The following OR10A6 variants were observed in gnomAD, a reference collection of about 807,000 sequenced individuals.
OR10A6 encodes olfactory receptor 10A6.
OR10A6 carries 2 observed loss-of-function variants against 1.5 expected under a neutral mutation model. That is an observed-to-expected ratio of 1.31 (90% CI 0.54 to 4.13). The LOEUF (loss-of-function observed/expected upper bound fraction) is 4.13. Among genes scored for constraint, OR10A6 ranks in the 30% most tolerant of loss-of-function variants. OR10A6 has a pLI of 0.07. For missense variants in OR10A6, 492 were observed against 368.6 expected (o/e 1.33, Z -2.74); for synonymous variants, 169 against 137.3 (o/e 1.23, Z -1.61).
rs1199204353 is a variant in OR10A6 at position 7,929,571 on chromosome 11, G to C, written c.-909C>G. ...CATTTTCTAGGCTCTGCACCCTTAG[G>C]AATACACATGAATCCAGAGCTCAAC... On this transcript the variant is annotated 5_prime_UTR_variant, in exon 4 of 4. Coordinates refer to ENST00000641238, the MANE Select transcript of OR10A6 (RefSeq NM_001004461.2). 1.3e-5 allele frequency: 2 copies of C among 151,126 alleles called. No individual in the cohort carries two copies. The highest frequency in any genetic ancestry group is 4.2e-4 in the South Asian group (2 of 4,780). 9.4% of individuals were successfully genotyped at this position (151,126 alleles called of 1,614,324 possible).
In OR10A6 at chr11:7,930,861, G is replaced by T. The variant is rs1375727775; in HGVS notation, c.-1854C>A. The T allele has an allele frequency of 2.0e-5, 3 of 152,116 alleles. No individual in the cohort carries two copies. The highest frequency in any genetic ancestry group is 7.2e-5 in the African/African-American group (3 of 41,420). The allele number at this position is 152,116 out of a possible 1,614,324, so 9.4% of individuals were successfully genotyped here. A position where few individuals can be genotyped will look rare whatever the true frequency, so the allele number is the denominator to read the frequency against. On this transcript the variant is annotated splice_region_variant and 5_prime_UTR_variant, in exon 3 of 4. Transcript: ENST00000641238. Reference sequence around the variant, plus strand: ...TAGATCACTGACAAGTAATACTTACGCAGATCACTTCCTCCCCAAGGCTTC... The same window carrying T: ...TAGATCACTGACAAGTAATACTTACTCAGATCACTTCCTCCCCAAGGCTTC...
In OR10A6 at chr11:7,927,978, G is replaced by A. The variant is rs1285218650; in HGVS notation, c.685C>T (p.Pro229Ser). Residue 229 changes from proline to serine, a missense_variant, in exon 4 of 4, where the codon CCA becomes TCA. Pro to Ser is a moderately conservative substitution (Grantham distance 74). Coordinates refer to ENST00000641238, the MANE Select transcript of OR10A6 (RefSeq NM_001004461.2). The stretch of plus-strand genomic sequence containing the variant: ...GCCTTTTGTCTCCCAGTGGTTGATG[G>A]CATCTTCAGGATGGCAAACAGAACT... ...IRVLFAILKM[P>S]STTGRQKAFS... 4.3e-6 allele frequency: 7 copies of A among 1,613,894 alleles called. No homozygotes were observed. The highest frequency in any genetic ancestry group is 1.7e-5 in the Admixed American group (1 of 59,914).
rs766119848 is a variant in OR10A6 at position 7,928,245 on chromosome 11, C to A, written c.418G>T (p.Val140Phe). The A allele has an allele frequency of 1.2e-6, 2 of 1,612,496 alleles. No homozygotes were observed. Among genetic ancestry groups the A allele is most frequent in the African/African-American group, 2.7e-5 (2 of 74,702 alleles). ...LNYQMIMNKG[V>F]FMKLIIFSWA... ...GAAAATATAATTAATTTCATAAAAA[C>A]TCCTTTATTCATAATCATTTGGTAG... Residue 140 changes from valine to phenylalanine, a missense_variant, in exon 4 of 4, where the codon GTT (valine) becomes TTT (phenylalanine). Val to Phe is a conservative substitution (Grantham distance 50, BLOSUM62 -1). Coordinates refer to ENST00000641238, the MANE Select transcript of OR10A6 (RefSeq NM_001004461.2).
In OR10A6 at chr11:7,924,771, C is replaced by T. The variant is rs547602812; in HGVS notation, c.*2947G>A. 2.4e-4 allele frequency: 37 copies of T among 152,258 alleles called. No individual in the cohort carries two copies. The highest frequency in any genetic ancestry group is 8.7e-4 in the African/African-American group (36 of 41,554). 9.4% of individuals were successfully genotyped at this position (152,258 alleles called of 1,614,324 possible). On this transcript the variant is annotated 3_prime_UTR_variant, in exon 4 of 4. Transcript: ENST00000641238. ...AGCTTTCCACTTGGCCTCTGTAGGGCCTGGCTTTTCTAGTCATGCTTTAAC... is the reference window on the plus strand; with the variant it reads ...AGCTTTCCACTTGGCCTCTGTAGGGTCTGGCTTTTCTAGTCATGCTTTAAC...
Position 7,928,146 on chromosome 11 carries a change from C to T in OR10A6, c.517G>A (p.Glu173Lys), listed in dbSNP as rs1253599930. The T allele has an allele frequency of 6.2e-7, 1 of 1,613,918 alleles. No individual in the cohort carries two copies. Among genetic ancestry groups the T allele is most frequent in the Non-Finnish European group, 8.5e-7 (1 of 1,179,942 alleles). ...GTTTCACAAGATATATGGTTAATTT[C>T]ATTAAGGCCACAAAAGGGAAAACTA... ...VSSFPFCGLN[E>K]INHISCETPA... The change falls in exon 4 of 4, where the codon GAA becomes AAA. Residue 173 changes from glutamate to lysine, a missense_variant. Glu to Lys is a moderately conservative substitution (Grantham distance 56). Transcript: ENST00000641238.
At position 7,928,338 on chromosome 11, in the gene OR10A6, C is replaced by T. The variant is rs201077978; in HGVS notation, c.325G>A (p.Gly109Arg). The T allele has an allele frequency of 2.5e-6, 4 of 1,613,888 alleles. No homozygotes were observed. The highest frequency in any genetic ancestry group is 3.4e-6 in the Non-Finnish European group (4 of 1,179,964). Residue 109 changes from glycine (G) to arginine (R), a missense_variant, in exon 4 of 4, where the codon GGG becomes AGG. Transcript: ENST00000641238. Reference sequence around the variant, plus strand: ...GCTCCCAGAAGAAAACATTCAGCCCCACCAAAAAGAAGGATGAAATACATC... The same window carrying T: ...GCTCCCAGAAGAAAACATTCAGCCCTACCAAAAAGAAGGATGAAATACATC... ...AQMYFILLFG[G>R]AECFLLGAMA...
chr11:7,929,995 A>AT lies in OR10A6; in HGVS notation c.-1334_-1333insA, dbSNP rs57836826. 40 of 63,124 alleles carry AT rather than the reference A, an allele frequency of 6.3e-4. No homozygotes were observed. Among genetic ancestry groups the AT allele is most frequent in the Non-Finnish European group, 1.0e-3 (33 of 32,870 alleles). 3.9% of individuals were successfully genotyped at this position (63,124 alleles called of 1,614,324 possible). A position where few individuals can be genotyped will look rare whatever the true frequency, so the allele number is the denominator to read the frequency against. On this transcript the variant is annotated 5_prime_UTR_variant, in exon 4 of 4. Coordinates refer to ENST00000641238, the MANE Select transcript of OR10A6 (RefSeq NM_001004461.2). ...ATATATATATATATATATATATATA[A>AT]AATCCCTCACTAGAGCTTAGCTCCC...
rs1251336065 is a variant in OR10A6, at chr11:7,926,534, CAGA to C, written c.*1181_*1183del. ...TTTGCAACTTCACCTTTATTTTTGG[CAGA>C]AGGAGTAGTGAAGAAAAGAAGGGTT... On this transcript the variant is annotated 3_prime_UTR_variant, in exon 4 of 4. Transcript: ENST00000641238. 2 of 152,024 alleles carry C rather than the reference CAGA, an allele frequency of 1.3e-5. No homozygotes were observed. The highest frequency in any genetic ancestry group is 2.9e-5 in the Non-Finnish European group (2 of 68,006). 9.4% of individuals were successfully genotyped at this position (152,024 alleles called of 1,614,324 possible).
Position 7,927,626 on chromosome 11 carries a change from C to A in OR10A6, c.*92G>T. Reference sequence around the variant, plus strand: ...CACAATAAATTAGTCATACTCATGCCAAAAAATGCAAACTTAATGAATCTA... The same window carrying A: ...CACAATAAATTAGTCATACTCATGCAAAAAAATGCAAACTTAATGAATCTA... On this transcript the variant is annotated 3_prime_UTR_variant, in exon 4 of 4. Transcript: ENST00000641238. The A allele has an allele frequency of 1.2e-6, 1 of 862,714 alleles. No individual in the cohort carries two copies. Among genetic ancestry groups the A allele is most frequent in the South Asian group, 2.0e-5 (1 of 50,238 alleles). 53.4% of individuals were successfully genotyped at this position (862,714 alleles called of 1,614,324 possible).
In OR10A6 at chr11:7,924,697, G is replaced by A. The variant is rs1344846285; in HGVS notation, c.*3021C>T. Reference sequence around the variant, plus strand: ...AGTCAGTAAACAAATAGGCAGGAGAGGAATGATAAGGTCACTACGCAATGC... The same window carrying A: ...AGTCAGTAAACAAATAGGCAGGAGAAGAATGATAAGGTCACTACGCAATGC... On this transcript the variant is annotated 3_prime_UTR_variant, in exon 4 of 4. Coordinates refer to ENST00000641238, the MANE Select transcript of OR10A6 (RefSeq NM_001004461.2). The A allele has an allele frequency of 3.3e-5, 5 of 152,062 alleles. No individual in the cohort carries two copies. Among genetic ancestry groups the A allele is most frequent in the Non-Finnish European group, 5.9e-5 (4 of 68,028 alleles). 9.4% of individuals were successfully genotyped at this position (152,062 alleles called of 1,614,324 possible).
In OR10A6 at chr11:7,925,030, C is replaced by A. The variant is rs1236053167; in HGVS notation, c.*2688G>T. ...TGGTTATTAACTGGATACATTACTG[C>A]CCTTAAGAAACTTGTTTTTTTTTTC... On this transcript the variant is annotated 3_prime_UTR_variant, in exon 4 of 4. Coordinates refer to ENST00000641238, the MANE Select transcript of OR10A6 (RefSeq NM_001004461.2). 3.3e-5 allele frequency: 5 copies of A among 151,952 alleles called. No homozygotes were observed. The highest frequency in any genetic ancestry group is 1.2e-4 in the African/African-American group (5 of 41,360). The allele number at this position is 151,952 out of a possible 1,614,324, so 9.4% of individuals were successfully genotyped here. A position where few individuals can be genotyped will look rare whatever the true frequency, so the allele number is the denominator to read the frequency against.
chr11:7,929,962 G>GTATATA lies in OR10A6; in HGVS notation c.-1301_-1300insTATATA, dbSNP rs1204097102. 0.023 allele frequency: 562 copies of GTATATA among 24,728 alleles called. 7 individuals carry two copies. Among genetic ancestry groups the GTATATA allele is most frequent in the Non-Finnish European group, 0.033 (482 of 14,494 alleles). 1.5% of individuals were successfully genotyped at this position (24,728 alleles called of 1,614,324 possible). ...AAGCTCTAGTAAGGTATGTGTATGT[G>GTATATA]TATGTATATATATATATATATATAT... is the stretch of plus-strand genomic sequence containing the variant. On this transcript the variant is annotated 5_prime_UTR_variant, in exon 4 of 4. Transcript: ENST00000641238.
Position 7,924,592 on chromosome 11 carries a change from T to G in OR10A6, c.*3126A>C, listed in dbSNP as rs375531634. 1.3e-5 allele frequency: 2 copies of G among 151,394 alleles called. No individual in the cohort carries two copies. Among genetic ancestry groups the G allele is most frequent in the African/African-American group, 4.9e-5 (2 of 41,202 alleles). 9.4% of individuals were successfully genotyped at this position (151,394 alleles called of 1,614,324 possible). On this transcript the variant is annotated 3_prime_UTR_variant, in exon 4 of 4. Coordinates refer to ENST00000641238, the MANE Select transcript of OR10A6 (RefSeq NM_001004461.2). ...TTTTTTTTTTTTGTAACAATAACAGTCTGGATTGGGTTATGCTGTAACAGA... is the reference window on the plus strand; with the variant it reads ...TTTTTTTTTTTTGTAACAATAACAGGCTGGATTGGGTTATGCTGTAACAGA...
In OR10A6 at chr11:7,928,004, C is replaced by G; in HGVS notation, c.659G>C (p.Arg220Pro). The G allele has an allele frequency of 1.2e-6, 2 of 1,613,752 alleles. No individual in the cohort carries two copies. The highest frequency in any genetic ancestry group is 1.7e-6 in the Non-Finnish European group (2 of 1,179,952). Reference sequence around the variant, plus strand: ...CATCTTCAGGATGGCAAACAGAACTCGAATGTAAGACAAGAGTATCAACAA... The same window carrying G: ...CATCTTCAGGATGGCAAACAGAACTGGAATGTAAGACAAGAGTATCAACAA... ...PFLLILLSYI[R>P]VLFAILKMPS... Residue 220 changes from arginine (R) to proline (P), a missense_variant, in exon 4 of 4, where the codon CGA becomes CCA. Transcript: ENST00000641238.
Position 7,928,767 on chromosome 11 carries a change from T to C in OR10A6, c.-105A>G, listed in dbSNP as rs1240299017. On this transcript the variant is annotated 5_prime_UTR_variant, in exon 4 of 4. Transcript: ENST00000641238. ...CAGTCTGCATTCACCCCAGAAATTC[T>C]GGCAGAAGATGAGGAGCCTATCCTG... 1.4e-6 allele frequency: 1 copy of C among 738,862 alleles called. No individual in the cohort carries two copies. Among genetic ancestry groups the C allele is most frequent in the African/African-American group, 1.8e-5 (1 of 54,630 alleles). The allele number at this position is 738,862 out of a possible 1,614,324, so 45.8% of individuals were successfully genotyped here. A position where few individuals can be genotyped will look rare whatever the true frequency, so the allele number is the denominator to read the frequency against.
chr11:7,928,656 T>C lies in OR10A6; in HGVS notation c.7A>G (p.Arg3Gly), dbSNP rs778434654. 2 of 1,596,428 alleles carry C rather than the reference T, an allele frequency of 1.3e-6. No homozygotes were observed. The highest frequency in any genetic ancestry group is 1.8e-5 in the Admixed American group (1 of 56,000). The change falls in exon 4 of 4, where the codon AGA (arginine) becomes GGA (glycine). Residue 3 changes from arginine to glycine, a missense_variant. By Grantham distance (125) the Arg-to-Gly change is moderately radical. Coordinates refer to ENST00000641238, the MANE Select transcript of OR10A6 (RefSeq NM_001004461.2). ...TCAACCACACAGCTTTGATTTTGTCTTTCCATTTTCAGTAATGAAGTCGTG... is the reference window on the plus strand; with the variant it reads ...TCAACCACACAGCTTTGATTTTGTCCTTCCATTTTCAGTAATGAAGTCGTG... ME[R>G]QNQSCVVEFI...
rs146174507 is a variant in OR10A6 at position 7,928,243 on chromosome 11, A to C, written c.420T>G (p.Val140=). The C allele has an allele frequency of 5.8e-4, 930 of 1,612,564 alleles. 5 individuals carry two copies. In the African/African-American group the frequency reaches 0.011, roughly 20 times the overall value. ...ATGAAAATATAATTAATTTCATAAAAACTCCTTTATTCATAATCATTTGGT... is the reference window on the plus strand; with the variant it reads ...ATGAAAATATAATTAATTTCATAAACACTCCTTTATTCATAATCATTTGGT... ...LNYQMIMNKG[V]FMKLIIFSWA... The change falls in exon 4 of 4, where the codon GTT becomes GTG. Residue 140 remains valine, a synonymous_variant. Transcript: ENST00000641238.
In OR10A6 at chr11:7,926,778, A is replaced by G. The variant is rs1454095503; in HGVS notation, c.*940T>C. On this transcript the variant is annotated 3_prime_UTR_variant, in exon 4 of 4. Transcript: ENST00000641238. ...TGTGTCTAATTATTCATCTTTATAT[A>G]TAACTAGAAAGACTATTATGTGATT... is the stretch of plus-strand genomic sequence containing the variant. 1 of 152,224 alleles carries G rather than the reference A, an allele frequency of 6.6e-6. No individual in the cohort carries two copies. 9.4% of individuals were successfully genotyped at this position (152,224 alleles called of 1,614,324 possible).
rs2133602939 is a variant in OR10A6, at chr11:7,925,559, C to T, written c.*2159G>A. On this transcript the variant is annotated 3_prime_UTR_variant, in exon 4 of 4. Transcript: ENST00000641238. The stretch of plus-strand genomic sequence containing the variant: ...TTCATTAGATTTAGCTCTCTTAAGA[C>T]ATTTTTATAAAGAATTTTTTTTAAG... The T allele has an allele frequency of 7.0e-6, 1 of 142,740 alleles. No individual in the cohort carries two copies. The highest frequency in any genetic ancestry group is 2.4e-4 in the South Asian group (1 of 4,152). 8.8% of individuals were successfully genotyped at this position (142,740 alleles called of 1,614,324 possible).
Sources: allele counts gnomAD v4.1 joint callset, GRCh38; gene constraint gnomAD v4.1.1; transcripts MANE v1.5; gene names NCBI Gene and HGNC (gene_info 2026-07-23, HGNC 2026-07-21).